Variants in SAMSN1 observed in about 807,000 individuals in gnomAD.
SAMSN1 encodes the protein SAM domain, SH3 domain and nuclear localization signals 1, also known as SAM domain-containing protein SAMSN-1.
Under a neutral mutation model 42.0 loss-of-function variants are expected in SAMSN1, and 31 were observed. The ratio of observed to expected loss-of-function variants is 0.74; its 90% CI spans 0.55 to 1.00. The LOEUF (loss-of-function observed/expected upper bound fraction) is 1.00, where lower values mean the gene tolerates loss of function less well. SAMSN1 is among the 50% of genes least tolerant of loss of function. The pLI, the probability that SAMSN1 is intolerant of heterozygous loss-of-function variation, is 0.00. For synonymous variants in SAMSN1, 178 were observed against 151.9 expected, an observed-to-expected ratio of 1.17 and a Z score of -1.26; for missense variants, 464 against 439.4, an observed-to-expected ratio of 1.06 and a Z score of -0.50.
At chr21:14,550,122 C>T (rs149887889), upstream of SAMSN1, among the ~76,000 whole-genome samples, 34 of 152,152 alleles carry the variant, frequency 2.2e-4, no homozygotes, top group African/African-American at 7.9e-4. Context: ...TCAACACCTC[C>T]TTGTTTGGAT....
intron 7 of SAMSN1, among the ~76,000 whole-genome samples, chr21:14,590,434 T>C (rs1364741395): frequency 6.6e-6 from 1 of 152,040 alleles, no homozygotes; most frequent in Non-Finnish European, 1.5e-5. Context: ...CGCACCATCA[T>C]GCCCGGTAAT....
intron 2 of SAMSN1, among the ~76,000 whole-genome samples, chr21:14,559,793 AC>A (rs1980887142): frequency 1.3e-5 from 2 of 152,084 alleles, no homozygotes; most frequent in African/African-American, 2.4e-5. Context: ...GGTGTAAGCC[AC>A]CAAGCCTGGC....
chr21:14,605,966 C>T (rs1474268984), intron 5 of SAMSN1, among the ~76,000 whole-genome samples: 2 of 151,898 alleles, frequency 1.3e-5, no homozygotes, highest in African/African-American at 4.8e-5. Context: ...CTCAGCCTCC[C>T]TAGTAGCTGG....
chr21:14,581,033 A>G (rs1981695627), intron 2 of SAMSN1, among the ~76,000 whole-genome samples: 1 of 152,210 alleles, frequency 6.6e-6, no homozygotes. Context: ...TTTTTAGTTA[A>G]GAAAGTTAAG....
At position 14,617,058 on chromosome 21, in the gene SAMSN1, C is replaced by G. The variant is rs147369573; in HGVS notation, c.157-1042G>C. On this transcript the variant is annotated intron_variant, in intron 2 of 15. Transcript: ENST00000647101. ...GGTTGAGCAGAACGTTGCTAAAACC[C>G]CACACACTGAAACAGTCAGTCCCTG... is the stretch of plus-strand genomic sequence containing the variant. Among the ~76,000 whole-genome samples, 115 of 152,156 alleles carry G rather than the reference C, an allele frequency of 7.6e-4. 1 individual carries two copies. The South Asian group carries it at 8.1e-3, about 11-fold the overall frequency.
At chr21:14,592,257 A>G (rs1180254591) in intron 7 of SAMSN1, 3 of 152,358 alleles carry the variant, frequency 2.0e-5, no homozygotes, top group Non-Finnish European at 4.4e-5. Flanking sequence ...TATGAACAAT[A>G]GGAAATTTAA....
chr21:14,519,931 G>T (rs1978344485), intron 2 of SAMSN1, among the ~76,000 whole-genome samples: 1 of 152,040 alleles, frequency 6.6e-6, no homozygotes, highest in African/African-American at 2.4e-5. Context: ...GGCAAACTTT[G>T]GAGTCAGAGA....
intron 2 of SAMSN1, among the ~76,000 whole-genome samples, chr21:14,626,121 A>C (rs1316487534): frequency 2.0e-5 from 3 of 152,206 alleles, no homozygotes; most frequent in Non-Finnish European, 4.4e-5. Flanking sequence ...CTTATACAAA[A>C]ATTACTTCAA....
intron 6 of SAMSN1, chr21:14,597,846 T>C (rs1982316309): frequency 6.6e-6 from 1 of 152,152 alleles, no homozygotes; most frequent in African/African-American, 2.4e-5. Flanking sequence ...AGGTATTACA[T>C]CCAGCTCCAG....
chr21:14,585,403 C>G (rs1287886441), upstream of SAMSN1: 1 of 152,166 alleles, frequency 6.6e-6, no homozygotes, highest in Non-Finnish European at 1.5e-5. Context: ...CAACAAAAAT[C>G]GTCTTCTCTT....
intron 7 of SAMSN1, chr21:14,592,100 T>C (rs1982102528): frequency 6.6e-6 from 1 of 152,128 alleles, no homozygotes; most frequent in Admixed American, 6.6e-5. Flanking sequence ...AAATGGGGGT[T>C]GTGTTGATTT....
intron 2 of SAMSN1, among the ~76,000 whole-genome samples, chr21:14,554,233 C>T (rs1229574416): frequency 6.6e-6 from 1 of 152,058 alleles, no homozygotes; most frequent in Non-Finnish European, 1.5e-5. Context: ...GGACTTTAAC[C>T]ACACTGCCTA....
intron 7 of SAMSN1, chr21:14,591,543 A>G (rs1363098314): frequency 2.6e-5 from 4 of 152,302 alleles, no homozygotes; most frequent in Admixed American, 2.0e-4. Context: ...AAATACATTC[A>G]ATCTCAACAG....
intron 2 of SAMSN1, among the ~76,000 whole-genome samples, chr21:14,553,729 T>G (rs1980671495): frequency 6.6e-6 from 1 of 152,194 alleles, no homozygotes; most frequent in Admixed American, 6.6e-5. Flanking sequence ...CTTCTCCAAT[T>G]GTCTTCTAGC....
At chr21:14,624,557 C>T (rs1452959603) in intron 2 of SAMSN1, among the ~76,000 whole-genome samples, 6 of 152,150 alleles carry the variant, frequency 3.9e-5, no homozygotes, top group Non-Finnish European at 8.8e-5. Flanking sequence ...GACACATACA[C>T]CCTCCCAAGA....
At chr21:14,496,120 A>C (rs1986906025) in intron 7 of SAMSN1, 1 of 152,128 alleles carries the variant, frequency 6.6e-6, no homozygotes, top group South Asian at 2.1e-4. Context: ...CCTTCTCTCC[A>C]CAAACCCTGT....
rs186173194 is a variant in SAMSN1, at chr21:14,626,277, C to A, written c.157-10261G>T. On this transcript the variant is annotated intron_variant, in intron 2 of 15. Transcript: ENST00000647101. ...TGGCAACAAAAGCCAAAATTGACAA[C>A]TGGGATCTAATTAAACTAAAGAGCT... Among the ~76,000 whole-genome samples the A allele has an allele frequency of 7.3e-4, 111 of 152,200 alleles. No homozygotes were observed. The East Asian group carries it at 0.012, about 16-fold the overall frequency.
chr21:14,592,837 C>G (rs966405589), intron 7 of SAMSN1, among the ~76,000 whole-genome samples: 1 of 152,140 alleles, frequency 6.6e-6, no homozygotes, highest in Non-Finnish European at 1.5e-5. Context: ...GCTTCTGTTT[C>G]TAATTAAGGA....
chr21:14,564,055 T>G (rs1276886526), intron 2 of SAMSN1, among the ~76,000 whole-genome samples: 4 of 152,202 alleles, frequency 2.6e-5, no homozygotes, highest in African/African-American at 4.8e-5. Flanking sequence ...CTACTATATG[T>G]CTAGCATTGG....
Sources: allele counts gnomAD v4.1 joint callset (sites outside exome capture counted in the v4.1 genomes callset), GRCh38; gene constraint gnomAD v4.1.1; transcripts MANE v1.5; gene names NCBI Gene and HGNC (gene_info 2026-07-23, HGNC 2026-07-21).